PINX1: variants seen among roughly 807,000 people sequenced by gnomAD.
The protein encoded by PINX1 is PIN2/TERF1-interacting telomerase inhibitor 1.
Under a neutral mutation model 25.4 loss-of-function variants are expected in PINX1, and 34 were observed. The observed-to-expected ratio is 1.34, with a 90% confidence interval of 1.02 to 1.78. The LOEUF (loss-of-function observed/expected upper bound fraction) is 1.78. PINX1 is among the 40% of genes most tolerant of loss of function. The pLI is 0.00. For synonymous variants in PINX1, 197 were observed against 147.7 expected (o/e 1.33, Z -2.42); for missense variants, 592 against 404.9 (o/e 1.46, Z -3.97).
At chr8:10,838,019 G>A (rs768027324) in intron 1 of PINX1, among the ~76,000 whole-genome samples, 8 of 152,204 alleles carry the variant, frequency 5.3e-5, no homozygotes, top group Non-Finnish European at 1.0e-4. Context: ...ATCACAGGCA[G>A]CCATCTGATT....
At chr8:10,823,048 A>C (rs767627896) in intron 5 of PINX1, among the ~76,000 whole-genome samples, 4 of 152,202 alleles carry the variant, frequency 2.6e-5, no homozygotes, top group Non-Finnish European at 5.9e-5. Context: ...TAAACCAGGA[A>C]AGTGGAAAGA....
chr8:10,826,928 C>T (rs1175187745), intron 4 of PINX1, among the ~76,000 whole-genome samples: 1 of 152,200 alleles, frequency 6.6e-6, no homozygotes, highest in East Asian at 1.9e-4. Flanking sequence ...ATTGTGGTTG[C>T]TGCATGAATC....
chr8:10,826,904 C>A (rs1798068739), intron 4 of PINX1, among the ~76,000 whole-genome samples: 1 of 152,182 alleles, frequency 6.6e-6, no homozygotes, highest in Non-Finnish European at 1.5e-5. Flanking sequence ...GGTGGCCAAT[C>A]CTGTATCTTC....
intron 6 of PINX1, among the ~76,000 whole-genome samples, chr8:10,778,154 G>C (rs1237818329): frequency 6.6e-6 from 1 of 151,918 alleles, no homozygotes; most frequent in Non-Finnish European, 1.5e-5. Flanking sequence ...ATAACTCTTG[G>C]AAAAAAACCT....
intron 6 of PINX1, among the ~76,000 whole-genome samples, chr8:10,789,564 T>C (rs568307515): frequency 2.0e-4 from 30 of 152,282 alleles, no homozygotes; most frequent in Middle Eastern, 3.4e-3. Context: ...GGGAGCTCCC[T>C]TGCAATGTAG....
chr8:10,821,645 C>T (rs1184114471), intron 5 of PINX1, among the ~76,000 whole-genome samples: 1 of 152,198 alleles, frequency 6.6e-6, no homozygotes, highest in Non-Finnish European at 1.5e-5. Context: ...AAGAGGTGGA[C>T]AAACTCATCG....
At chr8:10,802,326 C>A (rs1361025591) in intron 6 of PINX1, among the ~76,000 whole-genome samples, 1 of 152,144 alleles carries the variant, frequency 6.6e-6, no homozygotes, top group Non-Finnish European at 1.5e-5. Context: ...GCAGGTCACT[C>A]ATACACTGAT....
chr8:10,838,490 T>C (rs945375411), intron 1 of PINX1, among the ~76,000 whole-genome samples: 6 of 152,218 alleles, frequency 3.9e-5, no homozygotes, highest in African/African-American at 1.4e-4. Context: ...TAAGGCCACC[T>C]AGGGATAAAA....
At chr8:10,838,083 T>G (rs1798457638) in intron 1 of PINX1, among the ~76,000 whole-genome samples, 1 of 152,210 alleles carries the variant, frequency 6.6e-6, no homozygotes, top group Non-Finnish European at 1.5e-5. Flanking sequence ...TGTACCTCAC[T>G]TCCGTTTACT....
Position 10,781,569 on chromosome 8 carries a change from T to C in PINX1, c.472-15653A>G, listed in dbSNP as rs548850121. ...GACAGGTATTTCTCAAAAGATGACATACACATGACCAAAAGATGCTCAACA... is the reference window on the plus strand; with the variant it reads ...GACAGGTATTTCTCAAAAGATGACACACACATGACCAAAAGATGCTCAACA... On this transcript the variant is annotated intron_variant, in intron 6 of 6. Transcript: ENST00000314787. 3.2e-4 allele frequency among the ~76,000 whole-genome samples: 48 copies of C among 152,258 alleles called. 3 individuals are homozygous for C. The highest frequency in any genetic ancestry group is 1.7e-3 in the South Asian group (8 of 4,826).
rs369764276 is a variant in PINX1, at chr8:10,839,863, G to A, written c.-107C>T. On this transcript the variant is annotated 5_prime_UTR_variant, in exon 1 of 7. Transcript: ENST00000314787. ...GACGTGCGTAACTCCCTCGCCGGCG[G>A]ACTGCAGCGGACGGGGCGCGTGCTG... The A allele has an allele frequency of 1.5e-5, 16 of 1,081,680 alleles. No individual in the cohort carries two copies. In the African/African-American group the frequency reaches 1.6e-4, roughly 11 times the overall value. The allele number at this position is 1,081,680 out of a possible 1,614,324, so 67.0% of individuals were successfully genotyped here.
chr8:10,778,041 T>C (rs542296442), intron 6 of PINX1, among the ~76,000 whole-genome samples: 1 of 152,288 alleles, frequency 6.6e-6, no homozygotes, highest in Admixed American at 6.5e-5. Flanking sequence ...ACGAATGGCA[T>C]CGATGAGCTG....
At chr8:10,768,104 C>G (rs1299840345) in intron 6 of PINX1, among the ~76,000 whole-genome samples, 2 of 145,576 alleles carry the variant, frequency 1.4e-5, no homozygotes, top group Non-Finnish European at 3.0e-5. Flanking sequence ...ACCAGACACC[C>G]TCACAGCCAC....
chr8:10,779,593 T>A lies in PINX1; in HGVS notation c.472-13677A>T, dbSNP rs148894781. 4.3e-4 allele frequency among the ~76,000 whole-genome samples: 66 copies of A among 152,306 alleles called. 1 individual carries two copies. In the East Asian group the frequency reaches 0.01, roughly 24 times the overall value. ...CAAGTTATTGGCATTACTCTGTAAC[T>A]ATTGTGTGTATAATGGGAAATAAGC... On this transcript the variant is annotated intron_variant, in intron 6 of 6. Transcript: ENST00000314787.
At chr8:10,831,519 A>G (rs1328632584) in intron 4 of PINX1, 146 bp downstream of exon 4, 2 of 626,170 alleles carry the variant, frequency 3.2e-6, no homozygotes, top group Admixed American at 2.3e-5. Flanking sequence ...ACATGTGTAC[A>G]TTACAAATTG....
chr8:10,820,377 G>C (rs1417840723), intron 5 of PINX1, 108 bp from the exon 6 acceptor site: 1 of 770,034 alleles, frequency 1.3e-6, no homozygotes, highest in South Asian at 1.5e-5. Context: ...GGGAAAGAAA[G>C]AAACAATTTT....
chr8:10,783,419 C>T lies in PINX1; in HGVS notation c.472-17503G>A, dbSNP rs139125367. ...TGTGTTTGTTGTTCCCCAAAAGGAC[C>T]TGTGCTTTCAAGAACCCGTGTCTTT... On this transcript the variant is annotated intron_variant, in intron 6 of 6. Coordinates refer to ENST00000314787, the MANE Select transcript of PINX1 (RefSeq NM_017884.6). Among the ~76,000 whole-genome samples, 7 of 152,306 alleles carry T rather than the reference C, an allele frequency of 4.6e-5. No homozygotes were observed. In the East Asian group the frequency reaches 1.3e-3, roughly 29 times the overall value.
chr8:10,784,316 T>C (rs1467681809), intron 6 of PINX1, among the ~76,000 whole-genome samples: 1 of 152,200 alleles, frequency 6.6e-6, no homozygotes, highest in Admixed American at 6.5e-5. Flanking sequence ...TGGCTCTCCT[T>C]AGGATCACAA....
In PINX1 at chr8:10,765,436, G is replaced by A; in HGVS notation, c.952C>T (p.Leu318=). Residue 318 remains leucine, a synonymous_variant, in exon 7 of 7, where the codon CTA becomes TTA. Transcript: ENST00000314787. ...TCTTTCTTCTTCTTCTTTTTCACTA[G>A]CGTTTCTTCTAGTGTAGCGTCCTCT... ...IAEDATLEET[L]VKKKKKKDSK 1.2e-6 allele frequency: 2 copies of A among 1,606,780 alleles called. No homozygotes were observed. The highest frequency in any genetic ancestry group is 1.7e-6 in the Non-Finnish European group (2 of 1,178,008).
Sources: allele counts gnomAD v4.1 joint callset (sites outside exome capture counted in the v4.1 genomes callset), GRCh38; gene constraint gnomAD v4.1.1; transcripts MANE v1.5; gene names NCBI Gene and HGNC (gene_info 2026-07-23, HGNC 2026-07-21).